Variants in SLC8B1 observed in about 807,000 individuals in gnomAD.
SLC8B1 encodes solute carrier family 8 member B1.
Under a neutral mutation model 63.4 loss-of-function variants are expected in SLC8B1, and 52 were observed. The ratio of observed to expected loss-of-function variants is 0.82; its 90% CI spans 0.66 to 1.03. SLC8B1 has a LOEUF of 1.03. Ranked by LOEUF, SLC8B1 falls within the 50% of genes least tolerant of loss-of-function variation. The pLI, the probability that SLC8B1 is intolerant of heterozygous loss-of-function variation, is 0.00. For missense variants in SLC8B1, 657 were observed against 741.7 expected (o/e 0.89, Z 1.33); for synonymous variants, 336 against 323.9 (o/e 1.04, Z -0.40).
intron 7 of SLC8B1, chr12:113,319,972 T>C (rs1349767862): frequency 1.0e-5 from 2 of 194,982 alleles, no homozygotes; most frequent in African/African-American, 4.7e-5. Context: ...TTTTTCTTTT[T>C]TGTAGAGATG....
At position 113,298,844 on chromosome 12, in the gene SLC8B1, A is replaced by G. The variant is rs987465667; in HGVS notation, c.*933T>C. 1.2e-4 allele frequency: 19 copies of G among 152,148 alleles called. No homozygotes were observed. Among genetic ancestry groups the G allele is most frequent in the African/African-American group, 4.4e-4 (18 of 41,352 alleles). 9.4% of individuals were successfully genotyped at this position (152,148 alleles called of 1,614,324 possible). The stretch of plus-strand genomic sequence containing the variant: ...TTTTCTTTACCAGCATAAGGCAGTC[A>G]GGCAAACCTAAGAGTTGCTTATTTC... On this transcript the variant is annotated 3_prime_UTR_variant, in exon 16 of 16. Coordinates refer to ENST00000680972, the MANE Select transcript of SLC8B1 (RefSeq NM_001358345.2).
chr12:113,332,735 G>T lies in SLC8B1; in HGVS notation c.144C>A (p.Thr48=). 1.9e-6 allele frequency: 3 copies of T among 1,613,856 alleles called. No individual in the cohort carries two copies. Among genetic ancestry groups the T allele is most frequent in the Non-Finnish European group, 2.5e-6 (3 of 1,179,922 alleles). Residue 48 remains threonine (T), a synonymous_variant, in exon 2 of 16, where the codon ACC becomes ACA. Transcript: ENST00000680972. ...CCGGGATACTCACGTCTACCACGGG[G>T]GTCTGGTTCACACCTGAAGCTGGAA... ...PQFPASGVNQ[T]PVVDCRKVCG... is the part of the protein sequence containing the mutation.
At position 113,315,381 on chromosome 12, in the gene SLC8B1, C is replaced by A; in HGVS notation, c.1089G>T (p.Leu363=). 1.3e-6 allele frequency: 2 copies of A among 1,564,896 alleles called. No homozygotes were observed. Among genetic ancestry groups the A allele is most frequent in the Non-Finnish European group, 1.7e-6 (2 of 1,154,238 alleles). The change falls in exon 11 of 16, where the codon CTG becomes CTT. Residue 363 remains leucine, a synonymous_variant. Transcript: ENST00000680972. ...GGACCACAACCAGGGGGCTGATAAC[C>A]AGATGCAGACAGTTGAGGGGCCGTT... ...NWKRPLNCLH[L]VISPLVVVLT...
chr12:113,321,199 G>C lies in SLC8B1; in HGVS notation c.306C>G (p.Leu102=), dbSNP rs138934220. ...PPSLLPLAVT[L]YVSWLLYLFL... Reference sequence around the variant, plus strand: ...GCCCCCCAGGGCAGGGCCTCACGTAGAGAGTGACAGCCAGAGGGAGGAGGC... The same window carrying C: ...GCCCCCCAGGGCAGGGCCTCACGTACAGAGTGACAGCCAGAGGGAGGAGGC... Residue 102 remains leucine (L), a synonymous_variant, in exon 3 of 16, where the codon CTC becomes CTG. Coordinates refer to ENST00000680972, the MANE Select transcript of SLC8B1 (RefSeq NM_001358345.2). The C allele has an allele frequency of 7.3e-5, 118 of 1,613,874 alleles. No homozygotes were observed. The highest frequency in any genetic ancestry group is 9.3e-5 in the Non-Finnish European group (110 of 1,179,848).
At chr12:113,319,144 A>G in intron 7 of SLC8B1, 73 bp from the exon 8 acceptor site, 9 of 1,173,994 alleles carry the variant, frequency 7.7e-6, no homozygotes, top group Non-Finnish European at 1.1e-5. Flanking sequence ...TGGCAGTTCT[A>G]TCAGTGGTGC....
intron 15 of SLC8B1, chr12:113,302,769 C>T: frequency 2.2e-6 from 1 of 455,818 alleles, no homozygotes. Context: ...AAGCTCTTAA[C>T]CAATGCCTAT....
intron 11 of SLC8B1, among the ~76,000 whole-genome samples, chr12:113,312,124 G>A (rs1432473797): frequency 6.6e-6 from 1 of 151,932 alleles, no homozygotes; most frequent in Non-Finnish European, 1.5e-5. Context: ...GCTGTAGGAG[G>A]CAGTTGGCTC....
At chr12:113,327,681 C>CAA (rs1190508653) in intron 2 of SLC8B1, among the ~76,000 whole-genome samples, 33 of 104,766 alleles carry the variant, frequency 3.1e-4, no homozygotes, top group East Asian at 2.4e-3. Context: ...GACTCTGTCT[C>CAA]AAAAAAAAAA....
At chr12:113,302,878 GGTAA>G (rs1192724278) in intron 15 of SLC8B1, among the ~76,000 whole-genome samples, 2 of 152,254 alleles carry the variant, frequency 1.3e-5, no homozygotes, top group East Asian at 3.9e-4. Flanking sequence ...CCGTACAATA[GGTAA>G]GTGTTTCAAA....
At chr12:113,307,365 T>C (rs1456512033) in intron 13 of SLC8B1, among the ~76,000 whole-genome samples, 2 of 152,116 alleles carry the variant, frequency 1.3e-5, no homozygotes, top group Non-Finnish European at 2.9e-5. Flanking sequence ...TAAGTGTGAA[T>C]GCCTGCATGT....
In SLC8B1 at chr12:113,334,893, G is replaced by C. The variant is rs1957108965; in HGVS notation, c.-533C>G. The C allele has an allele frequency of 6.6e-6, 1 of 152,252 alleles. No individual in the cohort carries two copies. Among genetic ancestry groups the C allele is most frequent in the East Asian group, 1.9e-4 (1 of 5,200 alleles). The allele number at this position is 152,252 out of a possible 1,614,324, so 9.4% of individuals were successfully genotyped here. On this transcript the variant is annotated 5_prime_UTR_variant, in exon 1 of 16. Coordinates refer to ENST00000680972, the MANE Select transcript of SLC8B1 (RefSeq NM_001358345.2). ...GCGCTTCCCAGGAAAGAGACCTCAG[G>C]AACATCTCCGTGCTCCGTTTCCCGT... is the stretch of plus-strand genomic sequence containing the variant.
chr12:113,304,240 C>G, intron 15 of SLC8B1, 81 bp downstream of exon 15: 1 of 1,385,330 alleles, frequency 7.2e-7, no homozygotes, highest in Non-Finnish European at 1.0e-6. Flanking sequence ...GACCCAGATC[C>G]AAAGCCAGGG....
chr12:113,333,640 G>T (rs1466087590), intron 1 of SLC8B1, among the ~76,000 whole-genome samples: 8 of 152,138 alleles, frequency 5.3e-5, no homozygotes, highest in Non-Finnish European at 1.2e-4. Context: ...AACAATTCTG[G>T]AAATGTCACC....
chr12:113,308,049 A>C, intron 12 of SLC8B1: 1 of 604,068 alleles, frequency 1.7e-6, no homozygotes. Flanking sequence ...TTTTTCCTTA[A>C]TAAACTCCCT....
rs534200171 is a variant in SLC8B1, at chr12:113,317,760, G to A, written c.803-759C>T. On this transcript the variant is annotated intron_variant, in intron 8 of 15. Coordinates refer to ENST00000680972, the MANE Select transcript of SLC8B1 (RefSeq NM_001358345.2). ...TATGTGCATGTATTTGTTTATGTGTGTGTGCATGTATTTGTATGTGTGTTG... is the reference window on the plus strand; with the variant it reads ...TATGTGCATGTATTTGTTTATGTGTATGTGCATGTATTTGTATGTGTGTTG... 2.0e-4 allele frequency among the ~76,000 whole-genome samples: 26 copies of A among 131,408 alleles called. 1 individual carries two copies. The East Asian group carries it at 5.0e-3, about 25-fold the overall frequency. The allele number at this position is 131,408 out of a possible 152,430, so 86.2% of individuals were successfully genotyped here. A position where few individuals can be genotyped will look rare whatever the true frequency, so the allele number is the denominator to read the frequency against.
In SLC8B1 at chr12:113,316,594, G is replaced by C. The variant is rs758828313; in HGVS notation, c.925C>G (p.Leu309Val). ...CACTTCATGTAATCCAGGGGATTGA[G>C]GGCCCGGACCAGGATCTGAGCCGTG... The part of the protein sequence containing the change: ...ETTAQILVRA[L>V]NPLDYMKWRR... The change falls in exon 10 of 16, where the codon CTC becomes GTC. Residue 309 changes from leucine (L) to valine (V), a missense_variant. Physicochemically the swap from Leu to Val is conservative, Grantham distance 32. Transcript: ENST00000680972. 6.2e-7 allele frequency: 1 copy of C among 1,614,214 alleles called. No homozygotes were observed. Among genetic ancestry groups the C allele is most frequent in the South Asian group, 1.1e-5 (1 of 91,082 alleles).
At chr12:113,301,333 CTT>C (rs61095726) in intron 15 of SLC8B1, among the ~76,000 whole-genome samples, 2,328 of 107,514 alleles carry the variant, frequency 0.022, 36 homozygotes, top group East Asian at 0.14. Context: ...CTTTATAAGG[CTT>C]TTTTTTTTTT....
In SLC8B1 at chr12:113,307,686, G is replaced by A; in HGVS notation, c.1411+5C>T. The stretch of plus-strand genomic sequence containing the variant: ...CCCACTCAACCCCACCCAGCCCTGA[G>A]TCACCTCCAATGCTGTTCCCCCAGG... On this transcript the variant is annotated splice_donor_5th_base_variant and intron_variant, in intron 13 of 15. Coordinates refer to ENST00000680972, the MANE Select transcript of SLC8B1 (RefSeq NM_001358345.2). The A allele has an allele frequency of 6.2e-7, 1 of 1,612,380 alleles. No individual in the cohort carries two copies. The highest frequency in any genetic ancestry group is 1.1e-5 in the South Asian group (1 of 90,900).
rs895196026 is a variant in SLC8B1, at chr12:113,300,030, C to T, written c.1558-56G>A. 5.8e-5 allele frequency: 89 copies of T among 1,523,310 alleles called. 1 individual carries two copies. Among genetic ancestry groups the T allele is most frequent in the Admixed American group, 1.1e-4 (6 of 54,518 alleles). The allele number at this position is 1,523,310 out of a possible 1,614,324, so 94.4% of individuals were successfully genotyped here. A position where few individuals can be genotyped will look rare whatever the true frequency, so the allele number is the denominator to read the frequency against. Reference sequence around the variant, plus strand: ...TCACTGCCCGTCACAGGCCCCGCCCCGTCTGTGGCCAACACAACAATGCAG... The same window carrying T: ...TCACTGCCCGTCACAGGCCCCGCCCTGTCTGTGGCCAACACAACAATGCAG... On this transcript the variant is annotated intron_variant, in intron 15 of 15. Coordinates refer to ENST00000680972, the MANE Select transcript of SLC8B1 (RefSeq NM_001358345.2).
Sources: gnomAD v4.1 joint callset for allele counts (sites outside exome capture counted in the v4.1 genomes callset) on GRCh38, gnomAD v4.1.1 for gene constraint, MANE v1.5 for transcripts, NCBI Gene and HGNC (gene_info 2026-07-23, HGNC 2026-07-21) for gene names.